NXPH1: variants seen among roughly 807,000 people sequenced by gnomAD.
The protein encoded by NXPH1 is neurexophilin-1.
In NXPH1, 5 loss-of-function variants were observed where a neutral mutation model predicts 23.7. That is an observed-to-expected ratio of 0.21 (90% CI 0.11 to 0.44). The LOEUF is 0.44. NXPH1 is among the 20% of genes least tolerant of loss of function. The pLI is 0.99. For synonymous variants in NXPH1, 144 were observed against 122.2 expected, an observed-to-expected ratio of 1.18 and a Z score of -1.18; for missense variants, 324 against 321.6, an observed-to-expected ratio of 1.01 and a Z score of -0.06.
intron 2 of NXPH1, among the ~76,000 whole-genome samples, chr7:8,698,523 T>C (rs1779571296): frequency 6.6e-6 from 1 of 152,170 alleles, no homozygotes; most frequent in Admixed American, 6.5e-5. Context: ...TATGTATAGG[T>C]ATAAGCAACT....
intron 2 of NXPH1, among the ~76,000 whole-genome samples, chr7:8,545,407 G>A (rs1028589040): frequency 1.3e-5 from 2 of 151,362 alleles, no homozygotes; most frequent in Non-Finnish European, 1.5e-5. Context: ...ATGAAAAATA[G>A]TATTAGAAAA....
intron 2 of NXPH1, among the ~76,000 whole-genome samples, chr7:8,746,273 C>T (rs17334835): frequency 0.14 from 20,868 of 152,166 alleles, 1,851 homozygotes; most frequent in Admixed American, 0.22. Flanking sequence ...CATTGCCCTA[C>T]TCCCTTCCTA....
intron 2 of NXPH1, among the ~76,000 whole-genome samples, chr7:8,504,144 C>G (rs769622145): frequency 1.6e-4 from 24 of 152,102 alleles, no homozygotes; most frequent in South Asian, 6.2e-4. Context: ...GTCCCTCTTT[C>G]CACAAAGCCT....
At chr7:8,584,092 A>G (rs941374189) in intron 2 of NXPH1, among the ~76,000 whole-genome samples, 1 of 152,210 alleles carries the variant, frequency 6.6e-6, no homozygotes, top group African/African-American at 2.4e-5. Flanking sequence ...ATATTAACTC[A>G]ATTAATATTC....
At chr7:8,496,313 G>C (rs981499390) in intron 2 of NXPH1, among the ~76,000 whole-genome samples, 2 of 152,028 alleles carry the variant, frequency 1.3e-5, no homozygotes, top group Non-Finnish European at 1.5e-5. Flanking sequence ...AGCCAGGCAT[G>C]TTCCTCTTTC....
Position 8,544,397 on chromosome 7 carries a change from C to G in NXPH1, c.54+108630C>G, listed in dbSNP as rs185178449. Among the ~76,000 whole-genome samples the G allele has an allele frequency of 3.2e-3, 489 of 151,680 alleles. 2 individuals are homozygous for G. Among genetic ancestry groups the G allele is most frequent in the African/African-American group, 0.011 (469 of 41,488 alleles). On this transcript the variant is annotated intron_variant, in intron 2 of 2. Coordinates refer to ENST00000405863, the MANE Select transcript of NXPH1 (RefSeq NM_152745.3). The stretch of plus-strand genomic sequence containing the variant: ...GTCTTTAGACATTGAAGAATATTCT[C>G]TGGCAAGCAAAATCACCTGCAGTTG...
intron 2 of NXPH1, among the ~76,000 whole-genome samples, chr7:8,679,085 C>G (rs1473002690): frequency 6.6e-6 from 1 of 151,244 alleles, no homozygotes; most frequent in Non-Finnish European, 1.5e-5. Context: ...GTAGCTGGGA[C>G]TATAGGCGCC....
intron 2 of NXPH1, among the ~76,000 whole-genome samples, chr7:8,492,374 A>G (rs1817262074): frequency 6.6e-6 from 1 of 152,028 alleles, no homozygotes; most frequent in Admixed American, 6.6e-5. Flanking sequence ...GCCATGTAAG[A>G]GCTGTGTGAT....
chr7:8,549,428 G>C (rs1252773314), intron 2 of NXPH1, among the ~76,000 whole-genome samples: 6 of 151,506 alleles, frequency 4.0e-5, no homozygotes, highest in Non-Finnish European at 8.9e-5. Context: ...TTCTGAGTAA[G>C]TATACTGAAT....
At chr7:8,745,511 T>C (rs1048425902) in intron 2 of NXPH1, among the ~76,000 whole-genome samples, 1 of 152,074 alleles carries the variant, frequency 6.6e-6, no homozygotes, top group Non-Finnish European at 1.5e-5. Context: ...AATAAGTTTT[T>C]TTTTCATTCT....
At chr7:8,711,271 C>T (rs1779790413) in intron 2 of NXPH1, among the ~76,000 whole-genome samples, 1 of 152,076 alleles carries the variant, frequency 6.6e-6, no homozygotes, top group Admixed American at 6.5e-5. Flanking sequence ...TCTCTTTGTT[C>T]TTACTTTGTT....
chr7:8,529,535 A>G (rs1817919886), intron 2 of NXPH1, among the ~76,000 whole-genome samples: 1 of 152,212 alleles, frequency 6.6e-6, no homozygotes, highest in African/African-American at 2.4e-5. Flanking sequence ...GGGCTCCATT[A>G]CCAGTAGAGT....
Position 8,710,647 on chromosome 7 carries a change from GTTTTTTTTT to G in NXPH1, c.55-40343_55-40335del, listed in dbSNP as rs1424880912. On this transcript the variant is annotated intron_variant, in intron 2 of 2. Coordinates refer to ENST00000405863, the MANE Select transcript of NXPH1 (RefSeq NM_152745.3). ...AAGCATGTCAACTGTTACGTTTTTT[GTTTTTTTTT>G]TTTTTTTTTTTTTTTTTGAGACGGA... Among the ~76,000 whole-genome samples the G allele has an allele frequency of 1.4e-4, 7 of 51,722 alleles. 1 individual carries two copies. Among genetic ancestry groups the G allele is most frequent in the East Asian group, 7.8e-4 (1 of 1,274 alleles). The allele number at this position is 51,722 out of a possible 152,430, so 33.9% of individuals were successfully genotyped here. A position where few individuals can be genotyped will look rare whatever the true frequency, so the allele number is the denominator to read the frequency against.
At chr7:8,567,716 C>G (rs1166802585) in intron 2 of NXPH1, among the ~76,000 whole-genome samples, 1 of 151,814 alleles carries the variant, frequency 6.6e-6, no homozygotes, top group Non-Finnish European at 1.5e-5. Context: ...CTGAGGTGCT[C>G]TCTGAGGTTA....
At chr7:8,692,641 A>G (rs1004177457) in intron 2 of NXPH1, among the ~76,000 whole-genome samples, 3 of 152,166 alleles carry the variant, frequency 2.0e-5, no homozygotes, top group Non-Finnish European at 4.4e-5. Flanking sequence ...ATAAAATATT[A>G]TGGGAAAAGT....
chr7:8,493,150 A>G (rs909272316), intron 2 of NXPH1, among the ~76,000 whole-genome samples: 1 of 151,928 alleles, frequency 6.6e-6, no homozygotes, highest in Non-Finnish European at 1.5e-5. Flanking sequence ...CCTTTGACCT[A>G]GAATATATTT....
chr7:8,678,796 G>C lies in NXPH1; in HGVS notation c.55-72212G>C, dbSNP rs144289823. ...GGAAAAAAAAAATAGTCCTCTTGTTGTTATTTTGTTTATGTAGAGTGGTCC... is the reference window on the plus strand; with the variant it reads ...GGAAAAAAAAAATAGTCCTCTTGTTCTTATTTTGTTTATGTAGAGTGGTCC... On this transcript the variant is annotated intron_variant, in intron 2 of 2. Coordinates refer to ENST00000405863, the MANE Select transcript of NXPH1 (RefSeq NM_152745.3). Among the ~76,000 whole-genome samples, 1,058 of 151,800 alleles carry C rather than the reference G, an allele frequency of 7.0e-3. 15 individuals are homozygous for C. The highest frequency in any genetic ancestry group is 0.024 in the African/African-American group (999 of 41,366).
chr7:8,688,390 T>C (rs1254564024), intron 2 of NXPH1, among the ~76,000 whole-genome samples: 1 of 152,190 alleles, frequency 6.6e-6, no homozygotes, highest in Middle Eastern at 3.2e-3. Flanking sequence ...TCCTGTAGTA[T>C]ATATCTGGGT....
At chr7:8,461,626 C>T (rs530675853) in intron 2 of NXPH1, among the ~76,000 whole-genome samples, 2 of 150,406 alleles carry the variant, frequency 1.3e-5, no homozygotes, top group East Asian at 3.9e-4. Context: ...GTCAGGAGAT[C>T]GAGACCATCC....
Sources: gnomAD v4.1 joint callset for allele counts (sites outside exome capture counted in the v4.1 genomes callset) on GRCh38, gnomAD v4.1.1 for gene constraint, MANE v1.5 for transcripts, NCBI Gene and HGNC (gene_info 2026-07-23, HGNC 2026-07-21) for gene names.